The following AKT3 variants were observed in gnomAD, a reference collection of about 807,000 sequenced individuals.
AKT3 encodes RAC-gamma serine/threonine-protein kinase.
In AKT3, 15 loss-of-function variants were observed where a neutral mutation model predicts 65.3. That is an observed-to-expected ratio of 0.23 (90% CI 0.15 to 0.35). AKT3 has a LOEUF of 0.35. AKT3 is among the 10% of genes least tolerant of loss of function. The pLI is 1.00. For missense variants in AKT3, 243 were observed against 576.5 expected (o/e 0.42, Z 5.92); for synonymous variants, 206 against 183.8 (o/e 1.12, Z -0.98).
chr1:243,787,633 T>C (rs142195046), intron 2 of AKT3, among the ~76,000 whole-genome samples: 2 of 152,334 alleles, frequency 1.3e-5, no homozygotes, highest in East Asian at 3.9e-4. Context: ...CAATTAATAA[T>C]TTGTTTCTCA....
At position 243,543,230 on chromosome 1, in the gene AKT3, A is replaced by T. The variant is rs79148021; in HGVS notation, c.1251+2280T>A. ...TAACCCAGTGGAGCTGAGATAGGAC[A>T]GGCCTTGCTTCCTTACTGGTATACT... On this transcript the variant is annotated intron_variant, in intron 12 of 13. Coordinates refer to ENST00000673466, the MANE Select transcript of AKT3 (RefSeq NM_005465.7). Among the ~76,000 whole-genome samples the T allele has an allele frequency of 3.1e-3, 478 of 152,282 alleles. 4 individuals carry two copies. Among genetic ancestry groups the T allele is most frequent in the African/African-American group, 0.011 (438 of 41,558 alleles).
intron 4 of AKT3, among the ~76,000 whole-genome samples, chr1:243,662,688 C>T (rs1161567398): frequency 6.7e-6 from 1 of 149,758 alleles, no homozygotes; most frequent in Non-Finnish European, 1.5e-5. Flanking sequence ...CACATGTACC[C>T]TGAAACTTAA....
intron 8 of AKT3, among the ~76,000 whole-genome samples, chr1:243,581,815 G>A (rs1052085960): frequency 2.6e-5 from 4 of 151,358 alleles, no homozygotes; most frequent in East Asian, 1.9e-4. Flanking sequence ...TGAGATCCAA[G>A]ACAAAGTTGA....
At chr1:243,509,034 C>T (rs775406969) in intron 13 of AKT3, among the ~76,000 whole-genome samples, 1 of 152,144 alleles carries the variant, frequency 6.6e-6, no homozygotes. Flanking sequence ...TTGAAAGTTA[C>T]TACAATGTAC....
intron 2 of AKT3, among the ~76,000 whole-genome samples, chr1:243,797,633 G>C (rs1312351167): frequency 2.6e-5 from 4 of 152,086 alleles, no homozygotes; most frequent in Admixed American, 2.6e-4. Flanking sequence ...GATATTCTCT[G>C]TTCTTACCAC....
rs534165939 is a variant in AKT3, at chr1:243,770,136, G to T, written c.46+72989C>A. On this transcript the variant is annotated intron_variant, in intron 2 of 13. Coordinates refer to ENST00000673466, the MANE Select transcript of AKT3 (RefSeq NM_005465.7). ...GCCATATATGTATGGTTTAAATTCCGGATTCTCAATTATATTCCATTGATC... is the reference window on the plus strand; with the variant it reads ...GCCATATATGTATGGTTTAAATTCCTGATTCTCAATTATATTCCATTGATC... Among the ~76,000 whole-genome samples the T allele has an allele frequency of 7.9e-5, 12 of 152,146 alleles. No individual in the cohort carries two copies. The South Asian group carries it at 2.5e-3, about 32-fold the overall frequency.
intron 4 of AKT3, among the ~76,000 whole-genome samples, chr1:243,658,062 T>C (rs7517732): frequency 0.79 from 119,825 of 152,084 alleles, 48,115 homozygotes; most frequent in Non-Finnish European, 0.87. Flanking sequence ...TAATTTGGTC[T>C]TTAGAAATGA....
chr1:243,690,328 A>G (rs1367629193), intron 3 of AKT3, among the ~76,000 whole-genome samples: 1 of 152,192 alleles, frequency 6.6e-6, no homozygotes, highest in Non-Finnish European at 1.5e-5. Flanking sequence ...TAGCAAGACC[A>G]TGACTCCTGG....
intron 12 of AKT3, among the ~76,000 whole-genome samples, chr1:243,517,953 C>T (rs1175367616): frequency 6.6e-6 from 1 of 152,182 alleles, no homozygotes; most frequent in Non-Finnish European, 1.5e-5. Context: ...ATAAATGAAT[C>T]AATCATTCAG....
At chr1:243,717,502 A>T (rs535124653) in intron 2 of AKT3, among the ~76,000 whole-genome samples, 42 of 152,328 alleles carry the variant, frequency 2.8e-4, no homozygotes, top group African/African-American at 3.1e-4. Context: ...GTCATTAGTT[A>T]AAAAAGCACT....
intron 12 of AKT3, among the ~76,000 whole-genome samples, chr1:243,526,810 A>AAAAAAAAAAAAT (rs1671132898): frequency 1.5e-5 from 2 of 129,472 alleles, no homozygotes; most frequent in East Asian, 2.4e-4. Flanking sequence ...AAAAAAAAAA[A>AAAAAAAAAAAAT]AAAAATTTAG....
chr1:243,535,753 T>C (rs977260643), intron 12 of AKT3, among the ~76,000 whole-genome samples: 3 of 151,964 alleles, frequency 2.0e-5, no homozygotes, highest in Non-Finnish European at 2.9e-5. Context: ...GTGGAATTCC[T>C]GGATCGAATG....
chr1:243,850,090 CGGA>C lies in AKT3; in HGVS notation c.-166_-164del. Reference sequence around the variant, plus strand: ...GGCCCCGCAGCTGCTCGGGCGGCGGCGGAGGATGGAGCCGGGGGGGGGCGGGGG... The same window carrying C: ...GGCCCCGCAGCTGCTCGGGCGGCGGCGGATGGAGCCGGGGGGGGGCGGGGG... On this transcript the variant is annotated 5_prime_UTR_variant, in exon 1 of 14. Coordinates refer to ENST00000673466, the MANE Select transcript of AKT3 (RefSeq NM_005465.7). 2 of 319,732 alleles carry C rather than the reference CGGA, an allele frequency of 6.3e-6. No individual in the cohort carries two copies. The highest frequency in any genetic ancestry group is 8.1e-6 in the Non-Finnish European group (2 of 248,248). 19.8% of individuals were successfully genotyped at this position (319,732 alleles called of 1,614,324 possible). A position where few individuals can be genotyped will look rare whatever the true frequency, so the allele number is the denominator to read the frequency against.
chr1:243,608,743 CTTTTTTTTTTTTTTT>C (rs566574203), intron 8 of AKT3, among the ~76,000 whole-genome samples: 5 of 70,806 alleles, frequency 7.1e-5, no homozygotes, highest in African/African-American at 2.6e-4. Context: ...AAGTTTTTTG[CTTTTTTTTTTTTTTT>C]TTTTTTTTTT....
At chr1:243,606,833 A>G (rs10754806) in intron 8 of AKT3, among the ~76,000 whole-genome samples, 12 of 152,204 alleles carry the variant, frequency 7.9e-5, no homozygotes, top group African/African-American at 2.4e-4. Context: ...AGGGCCCCCC[A>G]ACCCGGCTCT....
intron 3 of AKT3, among the ~76,000 whole-genome samples, chr1:243,678,036 C>T (rs1683650862): frequency 6.6e-6 from 1 of 151,992 alleles, no homozygotes; most frequent in East Asian, 1.9e-4. Flanking sequence ...TGCAGTGAGC[C>T]GAGATCGCGC....
chr1:243,767,736 G>C (rs1224098960), intron 2 of AKT3, among the ~76,000 whole-genome samples: 1 of 152,060 alleles, frequency 6.6e-6, no homozygotes, highest in Non-Finnish European at 1.5e-5. Flanking sequence ...AAATAAGATT[G>C]GTCATGAGTT....
chr1:243,819,702 C>A (rs1332563520), intron 2 of AKT3, among the ~76,000 whole-genome samples: 1 of 152,164 alleles, frequency 6.6e-6, no homozygotes, highest in Admixed American at 6.5e-5. Flanking sequence ...GAGAGACCCC[C>A]CCAACAGGGG....
At position 243,613,747 on chromosome 1, in the gene AKT3, T is replaced by C; in HGVS notation, c.628-8A>G. On this transcript the variant is annotated splice_polypyrimidine_tract_variant and splice_region_variant and intron_variant, in intron 7 of 13. Coordinates refer to ENST00000673466, the MANE Select transcript of AKT3 (RefSeq NM_005465.7). ...GAAGGAATATTTCAAGGACTTGAAA[T>C]AAAAAAAAGAAAAAATGTTACATTA... 1 of 1,561,630 alleles carries C rather than the reference T, an allele frequency of 6.4e-7. No individual in the cohort carries two copies. The highest frequency in any genetic ancestry group is 8.7e-7 in the Non-Finnish European group (1 of 1,151,680).
Sources: allele counts gnomAD v4.1 joint callset (sites outside exome capture counted in the v4.1 genomes callset), GRCh38; gene constraint gnomAD v4.1.1; transcripts MANE v1.5; gene names NCBI Gene and HGNC (gene_info 2026-07-23, HGNC 2026-07-21).